TRAF3IP1: variants seen among roughly 807,000 people sequenced by gnomAD.
TRAF3IP1 encodes TRAF3-interacting protein 1.
A neutral mutation model predicts 89.9 loss-of-function variants in TRAF3IP1; 53 were observed. The observed-to-expected ratio is 0.59, with a 90% CI of 0.47 to 0.74. The LOEUF is 0.74. TRAF3IP1 is among the 30% of genes least tolerant of loss of function. The probability of loss-of-function intolerance (pLI) is 0.00; values close to 1 mark genes in which losing one functional copy is unlikely to be tolerated. For missense variants in TRAF3IP1, 806 were observed against 866.1 expected, an observed-to-expected ratio of 0.93 and a Z score of 0.87; for synonymous variants, 311 against 322.1, an observed-to-expected ratio of 0.97 and a Z score of 0.37.
intron 3 of TRAF3IP1, among the ~76,000 whole-genome samples, chr2:238,327,181 C>T (rs748462486): frequency 7.9e-5 from 12 of 152,216 alleles, no homozygotes; most frequent in African/African-American, 1.7e-4. Flanking sequence ...TGTCTCCCGT[C>T]GGCCTCTTGC....
intron 15 of TRAF3IP1, among the ~76,000 whole-genome samples, chr2:238,386,703 C>G (rs1700787882): frequency 1.3e-5 from 2 of 152,164 alleles, no homozygotes; most frequent in Admixed American, 1.3e-4. Context: ...TAACCCAACT[C>G]ATAAAATCAA....
At chr2:238,381,477 A>G (rs1429934997) in intron 15 of TRAF3IP1, among the ~76,000 whole-genome samples, 1 of 151,932 alleles carries the variant, frequency 6.6e-6, no homozygotes, top group Non-Finnish European at 1.5e-5. Flanking sequence ...GCCCTGAGGA[A>G]CTCCCAGGTT....
chr2:238,321,548 G>T (rs1697547161), intron 1 of TRAF3IP1, among the ~76,000 whole-genome samples: 1 of 152,164 alleles, frequency 6.6e-6, no homozygotes, highest in African/African-American at 2.4e-5. Context: ...TCCACTTGCG[G>T]ATGGTGTGCT....
chr2:238,331,965 A>T (rs544814291), intron 5 of TRAF3IP1, among the ~76,000 whole-genome samples: 1 of 152,328 alleles, frequency 6.6e-6, no homozygotes, highest in East Asian at 1.9e-4. Flanking sequence ...AAGAGGTGAA[A>T]TAGTAGATAT....
rs766319886 is a variant in TRAF3IP1, at chr2:238,325,897, G to A, written c.281G>A (p.Arg94Gln). The change falls in exon 3 of 17, where the codon CGA becomes CAA. Residue 94 changes from arginine to glutamine, a missense_variant. Around this residue, in one of 3 missense-constraint regions of TRAF3IP1, gnomAD observed 732 missense variants for 780.5 expected, o/e 0.94. Coordinates refer to ENST00000373327, the MANE Select transcript of TRAF3IP1 (RefSeq NM_015650.4). ...SGEPLLAKPA[R>Q]IVAGHEPERT... is the part of the protein sequence containing the mutation. ...GAGCCACTGTTGGCCAAACCAGCCC[G>A]AATCGTGGCGGGGCATGAGCCTGAA... The A allele has an allele frequency of 3.1e-6, 5 of 1,614,092 alleles. No homozygotes were observed. In the African/African-American group the frequency reaches 4.0e-5, roughly 13 times the overall value.
chr2:238,365,579 G>A (rs1699839292), intron 15 of TRAF3IP1, among the ~76,000 whole-genome samples: 1 of 151,884 alleles, frequency 6.6e-6, no homozygotes, highest in African/African-American at 2.4e-5. Context: ...GATGGCTTGA[G>A]CCCACAAGTT....
intron 8 of TRAF3IP1, among the ~76,000 whole-genome samples, chr2:238,343,805 C>G (rs753691226): frequency 6.6e-6 from 1 of 152,038 alleles, no homozygotes; most frequent in Middle Eastern, 3.4e-3. Context: ...GTGTGTGTAA[C>G]CATGCTTGGC....
At chr2:238,343,035 C>A (rs923722669) in intron 8 of TRAF3IP1, among the ~76,000 whole-genome samples, 1 of 151,546 alleles carries the variant, frequency 6.6e-6, no homozygotes, top group Non-Finnish European at 1.5e-5. Flanking sequence ...AGTTTTCCAG[C>A]TCTGGGTCCT....
intron 15 of TRAF3IP1, among the ~76,000 whole-genome samples, chr2:238,367,163 C>CAAAAAAAAAAAAAAAA (rs33964253): frequency 5.5e-5 from 2 of 36,162 alleles, no homozygotes; most frequent in African/African-American, 1.4e-4. Context: ...GACTCTGTCT[C>CAAAAAAAAAAAAAAAA]AAAAAAAAAA....
intron 15 of TRAF3IP1, among the ~76,000 whole-genome samples, chr2:238,394,805 C>T (rs769896050): frequency 6.6e-6 from 1 of 152,190 alleles, no homozygotes; most frequent in Non-Finnish European, 1.5e-5. Context: ...ATCATTTATC[C>T]ACTTCATTAG....
At chr2:238,364,309 T>A (rs898486571) in intron 15 of TRAF3IP1, among the ~76,000 whole-genome samples, 8 of 152,218 alleles carry the variant, frequency 5.3e-5, no homozygotes, top group Non-Finnish European at 1.2e-4. Flanking sequence ...GTGAATCAGA[T>A]TGCTTTAAGC....
intron 15 of TRAF3IP1, among the ~76,000 whole-genome samples, chr2:238,358,826 GT>G (rs1180519668): frequency 6.6e-6 from 1 of 152,148 alleles, no homozygotes; most frequent in Admixed American, 6.5e-5. Flanking sequence ...GGACATTTAG[GT>G]TTTTCAGCCA....
chr2:238,392,680 G>C (rs1025987017), intron 15 of TRAF3IP1, among the ~76,000 whole-genome samples: 1 of 152,158 alleles, frequency 6.6e-6, no homozygotes, highest in African/African-American at 2.4e-5. Context: ...GGGTTCAAGG[G>C]ATTCTTCTGC....
At chr2:238,359,405 T>C (rs1699567105) in intron 15 of TRAF3IP1, among the ~76,000 whole-genome samples, 1 of 152,166 alleles carries the variant, frequency 6.6e-6, no homozygotes, top group East Asian at 1.9e-4. Flanking sequence ...TCTGCTCTGG[T>C]TCACTGTGCT....
At position 238,345,303 on chromosome 2, in the gene TRAF3IP1, GGTGCA is replaced by G. The variant is rs1698840526; in HGVS notation, c.1261+707_1261+711del. 6.6e-6 allele frequency among the ~76,000 whole-genome samples: 1 copy of G among 152,236 alleles called. No homozygotes were observed. The highest frequency in any genetic ancestry group is 1.5e-5 in the Non-Finnish European group (1 of 68,032). On this transcript the variant is annotated intron_variant, in intron 9 of 16. Coordinates refer to ENST00000373327, the MANE Select transcript of TRAF3IP1 (RefSeq NM_015650.4). This position sits in a 1 kb window ranked among gnomAD's most constrained non-coding sequence, Gnocchi z 4.7. Reference sequence around the variant, plus strand: ...AGTCAGGCTGGCCTCCTGCCTTCCTGGTGCAGATGAGGCTCGAAGATCAACCGAAA... The same window carrying G: ...AGTCAGGCTGGCCTCCTGCCTTCCTGGATGAGGCTCGAAGATCAACCGAAA...
chr2:238,347,541 G>A, intron 10 of TRAF3IP1, 66 bp downstream of exon 10: 2 of 1,527,640 alleles, frequency 1.3e-6, no homozygotes, highest in Non-Finnish European at 1.8e-6. Flanking sequence ...ATGTGAATGT[G>A]GACTCTCAGA....
chr2:238,362,955 C>T (rs897350339), intron 15 of TRAF3IP1, among the ~76,000 whole-genome samples: 9 of 152,222 alleles, frequency 5.9e-5, no homozygotes, highest in Non-Finnish European at 1.3e-4. Context: ...CACAATGTTT[C>T]TCTAGGAAAT....
intron 15 of TRAF3IP1, among the ~76,000 whole-genome samples, chr2:238,396,658 T>G (rs1224751430): frequency 1.3e-5 from 2 of 152,182 alleles, no homozygotes; most frequent in Non-Finnish European, 2.9e-5. Flanking sequence ...TCAAAGCTCA[T>G]ATGAAGAGAA....
Position 238,330,792 on chromosome 2 carries a change from G to C in TRAF3IP1, c.915+1450G>C, listed in dbSNP as rs978346755. On this transcript the variant is annotated intron_variant, in intron 5 of 16. Transcript: ENST00000373327. ...ACTGTGGTTTTGTTAGTAATTGAAC[G>C]TAGTGTTCTACAAGGCACTTTGGAG... Among the ~76,000 whole-genome samples the C allele has an allele frequency of 3.9e-5, 6 of 152,130 alleles. No homozygotes were observed. The East Asian group carries it at 1.2e-3, about 29-fold the overall frequency.
Sources: allele counts gnomAD v4.1 joint callset (sites outside exome capture counted in the v4.1 genomes callset), GRCh38; gene constraint gnomAD v4.1.1; regional missense constraint gnomAD v4.1.1; non-coding constraint Gnocchi (gnomAD v3.1); transcripts MANE v1.5; gene names NCBI Gene and HGNC (gene_info 2026-07-23, HGNC 2026-07-21).